The following CDHR4 variants were observed in gnomAD, a reference collection of about 807,000 sequenced individuals.
CDHR4 encodes cadherin related family member 4, also known as cadherin-related family member 4.
In CDHR4, 89 loss-of-function variants were observed where a neutral mutation model predicts 88.4. The observed-to-expected ratio is 1.01, with a 90% CI of 0.85 to 1.20. The LOEUF is 1.20. CDHR4 is among the 50% of genes most tolerant of loss of function. CDHR4 has a pLI of 0.00. For missense variants in CDHR4, 914 were observed against 1,007.2 expected (o/e 0.91, Z 1.25); for synonymous variants, 368 against 399.2 (o/e 0.92, Z 0.93).
intron 1 of CDHR4, 66 bp from the exon 2 acceptor site, chr3:49,799,503 TC>T (rs2081331093): frequency 6.8e-7 from 1 of 1,475,504 alleles, no homozygotes; most frequent in Non-Finnish European, 9.1e-7. Context: ...ACTAGCATAG[TC>T]CTGTCCTTTT....
At chr3:49,797,941 G>A (rs894184311) in intron 4 of CDHR4, among the ~76,000 whole-genome samples, 1 of 109,414 alleles carries the variant, frequency 9.1e-6, no homozygotes, top group African/African-American at 3.6e-5. Flanking sequence ...ACAGAGTCTT[G>A]TTCTGTCACC....
upstream of CDHR4, among the ~76,000 whole-genome samples, chr3:49,800,399 TC>T (rs2081344585): frequency 6.6e-6 from 1 of 151,824 alleles, no homozygotes; most frequent in Non-Finnish European, 1.5e-5. Context: ...AGGCCTGTAG[TC>T]CCAGCTACTC....
chr3:49,794,860 C>T (rs2081243791), intron 9 of CDHR4, 87 bp downstream of exon 9: 2 of 1,512,634 alleles, frequency 1.3e-6, no homozygotes, highest in Admixed American at 2.0e-5. Flanking sequence ...TCCACCCCCA[C>T]TCCCGTGGTC....
rs1431677984 is a variant in CDHR4, at chr3:49,793,644, C to T, written c.1562G>A (p.Gly521Asp). Reference protein sequence around the residue: ...YRLTVLVIDHGQDQNPNHHLS... With the variant: ...YRLTVLVIDHDQDQNPNHHLS... ...GTGATGGTTGGGGTTCTGGTCTTGG[C>T]CATGGTCAATCACAAGGACAGTGAG... The change falls in exon 12 of 19, where the codon GGC (glycine) becomes GAC (aspartate). Residue 521 changes from glycine to aspartate, a missense_variant. Transcript: ENST00000412678. 1.9e-6 allele frequency: 3 copies of T among 1,551,626 alleles called. No individual in the cohort carries two copies. Among genetic ancestry groups the T allele is most frequent in the Non-Finnish European group, 2.6e-6 (3 of 1,147,006 alleles).
chr3:49,791,884 G>A lies in CDHR4; in HGVS notation c.2195+19C>T. 1 of 1,551,570 alleles carries A rather than the reference G, an allele frequency of 6.4e-7. No homozygotes were observed. The highest frequency in any genetic ancestry group is 8.7e-7 in the Non-Finnish European group (1 of 1,146,860). The stretch of plus-strand genomic sequence containing the variant: ...AAGAGATGGGATCCCAGGCATAGAA[G>A]TATGCAAAGGAGACTGACCTGTTTA... On this transcript the variant is annotated intron_variant, in intron 16 of 18. Coordinates refer to ENST00000412678, the MANE Select transcript of CDHR4 (RefSeq NM_001007540.4).
At chr3:49,800,007 C>T (rs2081339744), upstream of CDHR4, among the ~76,000 whole-genome samples, 1 of 152,154 alleles carries the variant, frequency 6.6e-6, no homozygotes, top group Non-Finnish European at 1.5e-5. Flanking sequence ...CAGAATATCC[C>T]ATTTTCCATT....
intron 18 of CDHR4, 111 bp from the exon 19 acceptor site, chr3:49,790,998 T>C (rs2081170456): frequency 2.5e-6 from 2 of 810,844 alleles, no homozygotes. Context: ...ACCCTCAGTG[T>C]GACATCCCAC....
Position 49,792,628 on chromosome 3 carries a change from G to A in CDHR4, c.1996-18C>T, listed in dbSNP as rs114545460. 3,567 of 1,551,376 alleles carry A rather than the reference G, an allele frequency of 2.3e-3. 78 individuals carry two copies. In the African/African-American group the frequency reaches 0.044, roughly 19 times the overall value. On this transcript the variant is annotated intron_variant, in intron 14 of 18. Coordinates refer to ENST00000412678, the MANE Select transcript of CDHR4 (RefSeq NM_001007540.4). ...GAGGGCACCTGAAAAGGAGGCCACA[G>A]CCTCACCACTGCCTTGCCAAAATGC...
chr3:49,794,682 C>T lies in CDHR4; in HGVS notation c.1205G>A (p.Cys402Tyr). 1 of 1,551,400 alleles carries T rather than the reference C, an allele frequency of 6.4e-7. No individual in the cohort carries two copies. The highest frequency in any genetic ancestry group is 8.7e-7 in the Non-Finnish European group (1 of 1,146,854). Reference protein sequence around the residue: ...RVLEVNATLDCDTPGACFQHA... With the variant: ...RVLEVNATLDYDTPGACFQHA... ...CTGGAAGCAGGCTCCAGGAGTGTCA[C>T]AGTCCAGTGTGGCATTCACCTAGCC... is the stretch of plus-strand genomic sequence containing the variant. The change falls in exon 10 of 19, where the codon TGT becomes TAT. Residue 402 changes from cysteine (C) to tyrosine (Y), a missense_variant. Physicochemically the swap from Cys to Tyr is radical, Grantham distance 194 (BLOSUM62 -2). Transcript: ENST00000412678.
chr3:49,791,330 G>A, intron 18 of CDHR4, 111 bp downstream of exon 18: 1 of 1,194,846 alleles, frequency 8.4e-7, no homozygotes, highest in Non-Finnish European at 1.2e-6. Flanking sequence ...GCAGATAGAT[G>A]GTGGGTTCCT....
rs975324948 is a variant in CDHR4, at chr3:49,791,545, G to T, written c.2284-77C>A. 3 of 1,518,648 alleles carry T rather than the reference G, an allele frequency of 2.0e-6. No homozygotes were observed. The African/African-American group carries it at 4.2e-5, about 21-fold the overall frequency. 94.1% of individuals were successfully genotyped at this position (1,518,648 alleles called of 1,614,324 possible). Reference sequence around the variant, plus strand: ...GGAGCAGATGAAGGCCTGCCCCTAGGGGGCCAGAAGCCCACCTGCCTCCTC... The same window carrying T: ...GGAGCAGATGAAGGCCTGCCCCTAGTGGGCCAGAAGCCCACCTGCCTCCTC... On this transcript the variant is annotated intron_variant, in intron 17 of 18. Coordinates refer to ENST00000412678, the MANE Select transcript of CDHR4 (RefSeq NM_001007540.4).
chr3:49,795,086 T>G lies in CDHR4; in HGVS notation c.1046A>C (p.Glu349Ala). 2 of 1,551,626 alleles carry G rather than the reference T, an allele frequency of 1.3e-6. No individual in the cohort carries two copies. Among genetic ancestry groups the G allele is most frequent in the Non-Finnish European group, 1.7e-6 (2 of 1,146,978 alleles). ...LPALLVSQIP[E>A]TAPVGTVLNT... is the part of the protein sequence containing the mutation. ...CAGCACGGTGCCCACGGGTGCAGTC[T>G]CCGGGATTTGGGACCTGAGAGTATG... Residue 349 changes from glutamate (E) to alanine (A), a missense_variant, in exon 9 of 19, where the codon GAG becomes GCG. Glu to Ala is a moderately radical substitution (Grantham distance 107, BLOSUM62 -1). Transcript: ENST00000412678. The surrounding 1 kb of genome is among the most constrained non-coding windows in gnomAD (Gnocchi z 5.4).
intron 4 of CDHR4, chr3:49,798,616 C>T (rs1278738991): frequency 1.8e-6 from 1 of 557,376 alleles, no homozygotes; most frequent in African/African-American, 1.9e-5. Context: ...GAACTCAGCC[C>T]CTGAGATGTC....
Position 49,793,007 on chromosome 3 carries a change from C to A in CDHR4, c.1842G>T (p.Pro614=). 4 of 1,551,660 alleles carry A rather than the reference C, an allele frequency of 2.6e-6. No homozygotes were observed. The highest frequency in any genetic ancestry group is 1.2e-5 in the South Asian group (1 of 84,060). Residue 614 remains proline, a synonymous_variant, in exon 14 of 19, where the codon CCG becomes CCT. Coordinates refer to ENST00000412678, the MANE Select transcript of CDHR4 (RefSeq NM_001007540.4). Reference sequence around the variant, plus strand: ...AGGTACGGGGCTGCTCTGGCCAGAACGGCCCCAACACAAGGTCACTGTGCA... The same window carrying A: ...AGGTACGGGGCTGCTCTGGCCAGAAAGGCCCCAACACAAGGTCACTGTGCA... ...ILVHSDLVLG[P]FWPEQPRTYE... is the part of the protein sequence containing the mutation.
chr3:49,793,418 G>T, intron 12 of CDHR4, 107 bp from the exon 13 acceptor site: 1 of 1,461,808 alleles, frequency 6.8e-7, no homozygotes, highest in Non-Finnish European at 9.2e-7. Flanking sequence ...ATCAAGTGAT[G>T]AAGTCATCAC....
upstream of CDHR4, among the ~76,000 whole-genome samples, chr3:49,802,665 T>A (rs1163281198): frequency 6.6e-6 from 1 of 152,196 alleles, no homozygotes; most frequent in Non-Finnish European, 1.5e-5. Flanking sequence ...AGTCTGCACC[T>A]GGTACCGGCA....
Position 49,792,915 on chromosome 3 carries a change from A to G in CDHR4, c.1934T>C (p.Ile645Thr). The G allele has an allele frequency of 6.4e-7, 1 of 1,551,396 alleles. No homozygotes were observed. The highest frequency in any genetic ancestry group is 8.7e-7 in the Non-Finnish European group (1 of 1,146,832). ...STPHLSTTAT[I>T]IVHLVPRRAS... The stretch of plus-strand genomic sequence containing the variant: ...CCTCCGGGGAACTAGATGCACAATA[A>G]TGGTGGCTGTGGTGCTGAGGTGGGG... Residue 645 changes from isoleucine (I) to threonine (T), a missense_variant, in exon 14 of 19, where the codon ATT (isoleucine) becomes ACT (threonine). Ile to Thr is a moderately conservative substitution (Grantham distance 89). Coordinates refer to ENST00000412678, the MANE Select transcript of CDHR4 (RefSeq NM_001007540.4).
At position 49,790,904 on chromosome 3, in the gene CDHR4, A is replaced by G; in HGVS notation, c.2312-17T>C. 2 of 1,548,602 alleles carry G rather than the reference A, an allele frequency of 1.3e-6. No homozygotes were observed. Among genetic ancestry groups the G allele is most frequent in the Non-Finnish European group, 1.7e-6 (2 of 1,145,240 alleles). ...TTCCGGTACCTAAAACCGGTAGGAGAGAGAGGAGAGCAGGGGGTGCTGCTG... is the reference window on the plus strand; with the variant it reads ...TTCCGGTACCTAAAACCGGTAGGAGGGAGAGGAGAGCAGGGGGTGCTGCTG... On this transcript the variant is annotated splice_polypyrimidine_tract_variant and intron_variant, in intron 18 of 18. Coordinates refer to ENST00000412678, the MANE Select transcript of CDHR4 (RefSeq NM_001007540.4).
intron 12 of CDHR4, 88 bp from the exon 13 acceptor site, chr3:49,793,399 A>T: frequency 6.7e-7 from 1 of 1,487,784 alleles, no homozygotes; most frequent in Non-Finnish European, 9.0e-7. Context: ...CCACAGCCGT[A>T]GCCTAGGCAT....
Sources: allele counts gnomAD v4.1 joint callset (sites outside exome capture counted in the v4.1 genomes callset), GRCh38; gene constraint gnomAD v4.1.1; non-coding constraint Gnocchi (gnomAD v3.1); transcripts MANE v1.5; gene names NCBI Gene and HGNC (gene_info 2026-07-23, HGNC 2026-07-21).